MYPN: variants seen among roughly 807,000 people sequenced by gnomAD.
The protein encoded by MYPN is myopalladin.
In MYPN, 63 loss-of-function variants were observed where a neutral mutation model predicts 129.4. The ratio of observed to expected loss-of-function variants is 0.49; its 90% CI spans 0.40 to 0.60. MYPN has a LOEUF of 0.60. Among genes scored for constraint, MYPN ranks in the 20% least tolerant of loss-of-function variants. The pLI, the probability that MYPN is intolerant of heterozygous loss-of-function variation, is 0.00. For missense variants in MYPN, 1,596 were observed against 1,635.4 expected, an observed-to-expected ratio of 0.98 and a Z score of 0.42; for synonymous variants, 629 against 600.9, an observed-to-expected ratio of 1.05 and a Z score of -0.68.
intron 1 of MYPN, among the ~76,000 whole-genome samples, chr10:68,113,987 A>G (rs1354986694): frequency 6.6e-6 from 1 of 152,212 alleles, no homozygotes; most frequent in Non-Finnish European, 1.5e-5. Flanking sequence ...GCAAGACTCC[A>G]TAATTTATTC....
rs530872750 is a variant in MYPN, at chr10:68,143,731, A to C, written c.1078+616A>C. 2.0e-5 allele frequency among the ~76,000 whole-genome samples: 3 copies of C among 152,116 alleles called. No individual in the cohort carries two copies. The East Asian group carries it at 5.8e-4, about 29-fold the overall frequency. On this transcript the variant is annotated intron_variant, in intron 3 of 19. Transcript: ENST00000358913. ...CTGAGCAAAGACATGACATGATCTT[A>C]GTTTTTTTGTTTTTTGTTTTGTTTT...
intron 4 of MYPN, among the ~76,000 whole-genome samples, chr10:68,147,698 G>C (rs556750119): frequency 1.3e-5 from 2 of 152,054 alleles, no homozygotes; most frequent in East Asian, 3.9e-4. Context: ...TTCCCCTCTG[G>C]ACGTAGGTTC....
At chr10:68,191,594 A>G (rs914344068) in intron 13 of MYPN, among the ~76,000 whole-genome samples, 1 of 152,204 alleles carries the variant, frequency 6.6e-6, no homozygotes, top group Non-Finnish European at 1.5e-5. Flanking sequence ...CACGTTGAGC[A>G]GTATAGACAT....
At chr10:68,200,030 C>T (rs1564698108) in intron 17 of MYPN, among the ~76,000 whole-genome samples, 1 of 152,314 alleles carries the variant, frequency 6.6e-6, no homozygotes, top group East Asian at 1.9e-4. Flanking sequence ...AATGTCACCA[C>T]CAGGTACAGT....
At chr10:68,119,505 G>A (rs970513757) in intron 1 of MYPN, among the ~76,000 whole-genome samples, 2 of 151,868 alleles carry the variant, frequency 1.3e-5, no homozygotes, top group Admixed American at 6.6e-5. Context: ...CCGCTTCCCA[G>A]GTTCAAGTAA....
At chr10:68,192,094 A>G (rs957305094) in intron 13 of MYPN, among the ~76,000 whole-genome samples, 6 of 152,166 alleles carry the variant, frequency 3.9e-5, no homozygotes, top group Non-Finnish European at 8.8e-5. Context: ...GTTAGTGTAA[A>G]GGCTTTCAAT....
intron 12 of MYPN, among the ~76,000 whole-genome samples, chr10:68,185,044 C>G (rs2043398328): frequency 6.6e-6 from 1 of 151,914 alleles, no homozygotes; most frequent in African/African-American, 2.4e-5. Flanking sequence ...CGTGCTCAAG[C>G]CTGTAATCCC....
At chr10:68,143,723 A>T (rs916702295) in intron 3 of MYPN, among the ~76,000 whole-genome samples, 2 of 152,004 alleles carry the variant, frequency 1.3e-5, no homozygotes, top group African/African-American at 4.8e-5. Flanking sequence ...AAGACATGAC[A>T]TGATCTTAGT....
chr10:68,141,808 C>G (rs1016932262), intron 2 of MYPN, among the ~76,000 whole-genome samples: 1 of 152,112 alleles, frequency 6.6e-6, no homozygotes, highest in African/African-American at 2.4e-5. Flanking sequence ...CCCGTAAACC[C>G]CATTTCTTAT....
chr10:68,108,578 T>C (rs1369383023), upstream of MYPN, among the ~76,000 whole-genome samples: 1 of 152,188 alleles, frequency 6.6e-6, no homozygotes, highest in Admixed American at 6.5e-5. Context: ...CTAAGAATGA[T>C]CTTTTTAAAG....
intron 1 of MYPN, among the ~76,000 whole-genome samples, chr10:68,090,457 G>T (rs923723032): frequency 2.0e-5 from 3 of 152,248 alleles, no homozygotes; most frequent in African/African-American, 7.2e-5. Flanking sequence ...GAGCCACCGC[G>T]CCAGGCCTCA....
upstream of MYPN, among the ~76,000 whole-genome samples, chr10:68,103,673 G>A (rs1246312892): frequency 6.6e-6 from 1 of 152,186 alleles, no homozygotes; most frequent in Non-Finnish European, 1.5e-5. Context: ...TGTTAGGCTG[G>A]GTGTGGTGGC....
At chr10:68,094,430 A>G (rs1432089130) in intron 1 of MYPN, among the ~76,000 whole-genome samples, 2 of 150,716 alleles carry the variant, frequency 1.3e-5, no homozygotes, top group Non-Finnish European at 3.0e-5. Flanking sequence ...CACGCCCAAT[A>G]TTTGTATTTT....
At chr10:68,209,671 C>CTTTTTT (rs35392300) in intron 19 of MYPN, among the ~76,000 whole-genome samples, 49 of 131,130 alleles carry the variant, frequency 3.7e-4, no homozygotes, top group East Asian at 6.9e-4. Context: ...GAATTCTTTT[C>CTTTTTT]TTTTTTTTTT....
chr10:68,102,122 C>CTT (rs35930233), upstream of MYPN, among the ~76,000 whole-genome samples: 11,251 of 108,290 alleles, frequency 0.1, 985 homozygotes, highest in East Asian at 0.39. Context: ...TTTCTCTCTC[C>CTT]TTTTTTTTTT....
intron 1 of MYPN, among the ~76,000 whole-genome samples, chr10:68,090,331 T>G (rs577400482): frequency 1.3e-5 from 2 of 152,158 alleles, no homozygotes; most frequent in African/African-American, 4.8e-5. Context: ...TCCGGCTGAT[T>G]TTTTTGTATT....
chr10:68,175,455 C>A lies in MYPN; in HGVS notation c.2697C>A (p.Asn899Lys). ...TAACTTTCAGTGATGTCAGACCAAA[C>A]CAGCAGGTAAGATTGTTGGATTTAG... Reference protein sequence around the residue: ...KKITFSDVRPNQQEYKISSFE... With the variant: ...KKITFSDVRPKQQEYKISSFE... Residue 899 changes from asparagine to lysine, a missense_variant, in exon 12 of 20, where the codon AAC becomes AAA. Transcript: ENST00000358913. 1 of 1,614,042 alleles carries A rather than the reference C, an allele frequency of 6.2e-7. No individual in the cohort carries two copies. The highest frequency in any genetic ancestry group is 1.1e-5 in the South Asian group (1 of 91,074).
chr10:68,118,639 G>T (rs948039672), intron 1 of MYPN, among the ~76,000 whole-genome samples: 6 of 152,164 alleles, frequency 3.9e-5, no homozygotes, highest in African/African-American at 1.4e-4. Context: ...TTGGAGACCA[G>T]CCTGGGCAAC....
At position 68,109,620 on chromosome 10, in the gene MYPN, C is replaced by T; in HGVS notation, c.-105C>T. The T allele has an allele frequency of 2.2e-6, 1 of 454,014 alleles. No homozygotes were observed. The highest frequency in any genetic ancestry group is 4.4e-6 in the Non-Finnish European group (1 of 226,772). The allele number at this position is 454,014 out of a possible 1,614,324, so 28.1% of individuals were successfully genotyped here. On this transcript the variant is annotated 5_prime_UTR_variant, in exon 1 of 20. Coordinates refer to ENST00000358913, the MANE Select transcript of MYPN (RefSeq NM_032578.4). ...TATTTCCAAGGGCGTGAAGAATTTC[C>T]CTCTTCTCCTGTGCTTTCATCTAAA...
Sources: allele counts gnomAD v4.1 joint callset (sites outside exome capture counted in the v4.1 genomes callset), GRCh38; gene constraint gnomAD v4.1.1; transcripts MANE v1.5; gene names NCBI Gene and HGNC (gene_info 2026-07-23, HGNC 2026-07-21).